KCNMA1: variants seen among roughly 807,000 people sequenced by gnomAD.
KCNMA1 encodes the protein Calcium-activated potassium channel subunit alpha-1.
In KCNMA1, 29 loss-of-function variants were observed where a neutral mutation model predicts 140.0. That is an observed-to-expected ratio of 0.21 (90% CI 0.15 to 0.28). The LOEUF is 0.28. KCNMA1 is among the 10% of genes least tolerant of loss of function. The pLI, the probability that KCNMA1 is intolerant of heterozygous loss-of-function variation, is 1.00. For missense variants in KCNMA1, 880 were observed against 1,602.2 expected, an observed-to-expected ratio of 0.55 and a Z score of 7.70; for synonymous variants, 612 against 611.9, an observed-to-expected ratio of 1.00 and a Z score of 0.00.
At position 76,914,460 on chromosome 10, in the gene KCNMA1, T is replaced by A. The variant is rs2051820147; in HGVS notation, c.3016+476A>T. ...ATATTCAACTACGATACGTTAAATG[T>A]CAAGTTATTACACATTAGCCCAGGG... On this transcript the variant is annotated intron_variant, in intron 24 of 27. Coordinates refer to ENST00000286628, the MANE Select transcript of KCNMA1 (RefSeq NM_001161352.2). 9.4e-6 allele frequency: 4 copies of A among 425,480 alleles called. No individual in the cohort carries two copies. In the South Asian group the frequency reaches 1.2e-4, roughly 13 times the overall value. 26.4% of individuals were successfully genotyped at this position (425,480 alleles called of 1,614,324 possible).
intron 14 of KCNMA1, among the ~76,000 whole-genome samples, chr10:77,056,970 G>C (rs891966089): frequency 3.9e-5 from 6 of 152,102 alleles, no homozygotes; most frequent in Admixed American, 2.6e-4. Context: ...AGGAATCCTA[G>C]AAGGAAAGCA....
intron 2 of KCNMA1, among the ~76,000 whole-genome samples, chr10:77,297,768 C>G (rs943146338): frequency 1.3e-5 from 2 of 152,160 alleles, no homozygotes; most frequent in African/African-American, 4.8e-5. Flanking sequence ...TGTTTGCTCT[C>G]CCATTCCTCT....
At chr10:77,248,191 G>T (rs933988494) in intron 3 of KCNMA1, among the ~76,000 whole-genome samples, 2 of 152,324 alleles carry the variant, frequency 1.3e-5, no homozygotes, top group African/African-American at 4.8e-5. Flanking sequence ...TACCTAGCCT[G>T]CTTGTCCACT....
intron 1 of KCNMA1, among the ~76,000 whole-genome samples, chr10:77,437,862 G>A (rs578165103): frequency 6.6e-6 from 1 of 152,228 alleles, no homozygotes; most frequent in South Asian, 2.1e-4. Flanking sequence ...ATGCGATCAG[G>A]AGTGACAAAC....
intron 23 of KCNMA1, among the ~76,000 whole-genome samples, chr10:76,919,535 T>C (rs2152492892): frequency 1.3e-5 from 2 of 152,320 alleles, no homozygotes; most frequent in African/African-American, 4.8e-5. Flanking sequence ...TGGATTTTCA[T>C]TTCTTTGAAC....
intron 2 of KCNMA1, among the ~76,000 whole-genome samples, chr10:77,394,535 G>T (rs10824538): frequency 0.14 from 21,546 of 152,162 alleles, 2,285 homozygotes; most frequent in African/African-American, 0.29. Context: ...GAAACTCAAG[G>T]AATGATGCTG....
chr10:77,147,495 C>T (rs2098327788), intron 5 of KCNMA1, among the ~76,000 whole-genome samples: 1 of 151,870 alleles, frequency 6.6e-6, no homozygotes, highest in South Asian at 2.1e-4. Context: ...TCAGCCCATT[C>T]TTCCCTCATC....
chr10:77,458,927 C>T (rs771220149), intron 1 of KCNMA1, among the ~76,000 whole-genome samples: 4 of 152,200 alleles, frequency 2.6e-5, no homozygotes, highest in African/African-American at 4.8e-5. Flanking sequence ...GGACAGCACA[C>T]ATACAGAACA....
chr10:77,340,184 A>G (rs909567912), intron 2 of KCNMA1, among the ~76,000 whole-genome samples: 43 of 152,198 alleles, frequency 2.8e-4, no homozygotes, highest in African/African-American at 1.0e-3. Context: ...ACCAGTTAGA[A>G]TGGTGATCAT....
chr10:77,215,679 G>A (rs1463501727), intron 3 of KCNMA1, among the ~76,000 whole-genome samples: 2 of 152,136 alleles, frequency 1.3e-5, no homozygotes, highest in East Asian at 3.9e-4. Flanking sequence ...ATATCTTGAT[G>A]TGCTATGAAC....
At chr10:77,233,594 G>A (rs751138861) in intron 3 of KCNMA1, among the ~76,000 whole-genome samples, 18 of 152,200 alleles carry the variant, frequency 1.2e-4, no homozygotes, top group Non-Finnish European at 1.9e-4. Flanking sequence ...GACTGCGCAT[G>A]CCTCCAGGAG....
intron 23 of KCNMA1, among the ~76,000 whole-genome samples, chr10:76,934,018 G>A (rs1232480658): frequency 2.0e-5 from 3 of 151,894 alleles, no homozygotes; most frequent in African/African-American, 7.3e-5. Context: ...TGTTACCCAG[G>A]CTGGAGGGCA....
At chr10:77,500,436 C>T (rs1449331413) in intron 1 of KCNMA1, among the ~76,000 whole-genome samples, 3 of 152,134 alleles carry the variant, frequency 2.0e-5, no homozygotes, top group African/African-American at 7.2e-5. Flanking sequence ...TCACTTGAGG[C>T]CAGGAGTTTG....
At chr10:76,934,986 C>A (rs1382786942) in intron 23 of KCNMA1, among the ~76,000 whole-genome samples, 1 of 152,168 alleles carries the variant, frequency 6.6e-6, no homozygotes, top group Non-Finnish European at 1.5e-5. Context: ...CTCTTCCTTA[C>A]AGCTCCGAAG....
intron 2 of KCNMA1, among the ~76,000 whole-genome samples, chr10:77,254,490 T>A (rs951425708): frequency 3.9e-5 from 6 of 152,170 alleles, no homozygotes; most frequent in African/African-American, 1.4e-4. Flanking sequence ...CCCCAAGTGT[T>A]GGGATTACAG....
chr10:77,083,183 A>G (rs1050787210), intron 12 of KCNMA1, among the ~76,000 whole-genome samples: 1 of 151,818 alleles, frequency 6.6e-6, no homozygotes, highest in African/African-American at 2.4e-5. Flanking sequence ...ATTTAGCTCA[A>G]CTCTCCAGAA....
At chr10:76,973,060 A>C (rs1013066168) in intron 19 of KCNMA1, 4 of 152,190 alleles carry the variant, frequency 2.6e-5, no homozygotes, top group Non-Finnish European at 5.9e-5. Context: ...ATGAAAGACA[A>C]ACGTGTTGAA....
At chr10:77,608,447 T>C (rs370564678) in intron 1 of KCNMA1, among the ~76,000 whole-genome samples, 20 of 152,274 alleles carry the variant, frequency 1.3e-4, no homozygotes, top group Middle Eastern at 3.4e-3. Context: ...GTGCTGGGGT[T>C]ACAGTCATGA....
chr10:77,626,771 G>A (rs1567956730), intron 1 of KCNMA1, among the ~76,000 whole-genome samples: 4 of 152,274 alleles, frequency 2.6e-5, no homozygotes, highest in East Asian at 3.9e-4. Flanking sequence ...AGAATGTCTC[G>A]TTTGAAGAGC....
Sources: gnomAD v4.1 joint callset for allele counts (sites outside exome capture counted in the v4.1 genomes callset) on GRCh38, gnomAD v4.1.1 for gene constraint, MANE v1.5 for transcripts, NCBI Gene and HGNC (gene_info 2026-07-23, HGNC 2026-07-21) for gene names.